The following ZSCAN5A variants were observed in gnomAD, a reference collection of about 807,000 sequenced individuals.
The protein encoded by ZSCAN5A is zinc finger and SCAN domain containing 5A, also known as zinc finger and SCAN domain-containing protein 5A.
A neutral mutation model predicts 23.7 loss-of-function variants in ZSCAN5A; 12 were observed. The observed-to-expected ratio is 0.51, with a 90% CI of 0.32 to 0.82. ZSCAN5A has a LOEUF of 0.82. ZSCAN5A is among the 40% of genes least tolerant of loss of function. ZSCAN5A has a pLI of 0.03. For missense variants in ZSCAN5A, 597 were observed against 617.9 expected (o/e 0.97, Z 0.36); for synonymous variants, 257 against 239.9 (o/e 1.07, Z -0.66).
chr19:56,310,066 A>T (rs2304122), intron 2 of ZSCAN5A: 73,153 of 152,268 alleles, frequency 0.48, 17,816 homozygotes, highest in Middle Eastern at 0.66. Context: ...GGCAAGGAGT[A>T]TGAGAATGCA....
At chr19:56,309,868 G>C (rs940878337) in intron 2 of ZSCAN5A, among the ~76,000 whole-genome samples, 6 of 152,316 alleles carry the variant, frequency 3.9e-5, no homozygotes, top group Admixed American at 6.5e-5. Flanking sequence ...ACTTGCCCTG[G>C]TGATGGGGCA....
intron 1 of ZSCAN5A, chr19:56,366,055 A>G (rs1257853521): frequency 6.6e-6 from 1 of 152,206 alleles, no homozygotes; most frequent in African/African-American, 2.4e-5. Context: ...TTGGGGTTTT[A>G]TCAGTGTCCA....
chr19:56,295,913 T>A (rs2039841946), intron 2 of ZSCAN5A: 1 of 152,976 alleles, frequency 6.5e-6, no homozygotes, highest in Non-Finnish European at 1.5e-5. Context: ...TCCCCTGACC[T>A]GTCTTGCTTC....
chr19:56,312,944 T>C (rs1201599013), intron 2 of ZSCAN5A, among the ~76,000 whole-genome samples: 2 of 152,252 alleles, frequency 1.3e-5, no homozygotes, highest in Admixed American at 1.3e-4. Context: ...CAGCACACCA[T>C]GCTTGTTAGC....
Position 56,221,444 on chromosome 19 carries a change from G to T in ZSCAN5A, c.*131C>A. ...GGACACATATTTACTCAAACATCCT[G>T]GCAATTCATATCTAGGGCACTCCCT... On this transcript the variant is annotated 3_prime_UTR_variant, in exon 6 of 6. Transcript: ENST00000683990. 9.0e-7 allele frequency: 1 copy of T among 1,115,164 alleles called. No individual in the cohort carries two copies. The highest frequency in any genetic ancestry group is 1.3e-6 in the Non-Finnish European group (1 of 788,550). The allele number at this position is 1,115,164 out of a possible 1,614,324, so 69.1% of individuals were successfully genotyped here.
At chr19:56,252,537 G>A (rs2036418877) in intron 2 of ZSCAN5A, among the ~76,000 whole-genome samples, 1 of 152,164 alleles carries the variant, frequency 6.6e-6, no homozygotes, top group Non-Finnish European at 1.5e-5. Flanking sequence ...GTTTTATGGT[G>A]CTTAGGGGAT....
intron 2 of ZSCAN5A, chr19:56,320,836 C>G (rs913723378): frequency 1.3e-6 from 1 of 778,758 alleles, no homozygotes; most frequent in East Asian, 2.4e-5. Context: ...GATGCTGTGC[C>G]CCCTCGCTTT....
chr19:56,253,980 C>T (rs570303220), intron 2 of ZSCAN5A, among the ~76,000 whole-genome samples: 2 of 151,966 alleles, frequency 1.3e-5, no homozygotes, highest in East Asian at 3.9e-4. Flanking sequence ...GATGGTTCTG[C>T]TTCTGTTTGA....
intron 2 of ZSCAN5A, among the ~76,000 whole-genome samples, chr19:56,356,296 A>C (rs2041700076): frequency 1.3e-5 from 2 of 148,794 alleles, no homozygotes; most frequent in Admixed American, 1.3e-4. Flanking sequence ...TTAAACAATC[A>C]GTGGTGGGAA....
At chr19:56,333,297 A>G (rs1281346576) in intron 2 of ZSCAN5A, among the ~76,000 whole-genome samples, 1 of 151,882 alleles carries the variant, frequency 6.6e-6, no homozygotes, top group Non-Finnish European at 1.5e-5. Flanking sequence ...AATGTCATTA[A>G]TTCATAAGTT....
At chr19:56,266,626 C>T (rs950859687) in intron 2 of ZSCAN5A, 2 of 151,356 alleles carry the variant, frequency 1.3e-5, no homozygotes, top group African/African-American at 4.9e-5. Flanking sequence ...ACTACAGGCA[C>T]CTGCCACCAT....
At position 56,222,205 on chromosome 19, in the gene ZSCAN5A, G is replaced by A. The variant is rs2033303210; in HGVS notation, c.861C>T (p.Asn287=). ...TGCTCAGATTCAGAGCGTCTCCTCT[G>A]TTCCCGCTGTGAGTCGAAGCTTCTC... ...VEREASTHSG[N]RGDALNLSSP... is the part of the protein sequence containing the mutation. Residue 287 remains asparagine, a synonymous_variant, in exon 6 of 6, where the codon AAC becomes AAT. Coordinates refer to ENST00000683990, the MANE Select transcript of ZSCAN5A (RefSeq NM_001322064.3). The A allele has an allele frequency of 6.2e-7, 1 of 1,613,854 alleles. No individual in the cohort carries two copies. Among genetic ancestry groups the A allele is most frequent in the African/African-American group, 1.3e-5 (1 of 74,886 alleles).
At chr19:56,231,919 CCTGGACAACCA>C (rs1198461962) in intron 2 of ZSCAN5A, among the ~76,000 whole-genome samples, 3 of 152,114 alleles carry the variant, frequency 2.0e-5, no homozygotes, top group Non-Finnish European at 2.9e-5. Context: ...CAGCTCCATC[CCTGGACAACCA>C]CTGGTGTTCT....
chr19:56,246,268 C>G (rs1443514789), intron 2 of ZSCAN5A: 1 of 281,334 alleles, frequency 3.6e-6, no homozygotes, highest in African/African-American at 2.3e-5. Context: ...TGTCCATGAC[C>G]CACCAGTTTA....
upstream of ZSCAN5A, among the ~76,000 whole-genome samples, chr19:56,319,211 C>T (rs978493942): frequency 6.6e-6 from 1 of 151,492 alleles, no homozygotes; most frequent in African/African-American, 2.4e-5. Context: ...TAATTCAGAA[C>T]TTATGGCTGG....
intron 2 of ZSCAN5A, among the ~76,000 whole-genome samples, chr19:56,285,873 T>C (rs2039078482): frequency 6.6e-6 from 1 of 152,200 alleles, no homozygotes; most frequent in South Asian, 2.1e-4. Flanking sequence ...CAAATTCCTA[T>C]CTGTTAAGTT....
chr19:56,308,231 A>G (rs112425437), intron 2 of ZSCAN5A, among the ~76,000 whole-genome samples: 1,593 of 151,816 alleles, frequency 0.01, 32 homozygotes, highest in African/African-American at 0.036. Flanking sequence ...ACGGGGTTTC[A>G]CCATGTTGGC....
intron 2 of ZSCAN5A, among the ~76,000 whole-genome samples, chr19:56,276,532 A>AC (rs2038275771): frequency 1.1e-5 from 1 of 92,710 alleles, no homozygotes; most frequent in Non-Finnish European, 2.7e-5. Context: ...AGTGAGGGTT[A>AC]TTTTTATTTA....
At chr19:56,278,129 T>C (rs2038406145) in intron 2 of ZSCAN5A, among the ~76,000 whole-genome samples, 1 of 151,958 alleles carries the variant, frequency 6.6e-6, no homozygotes, top group African/African-American at 2.4e-5. Context: ...TTTATGTGTT[T>C]GTTTATTTTG....
Sources: gnomAD v4.1 joint callset for allele counts (sites outside exome capture counted in the v4.1 genomes callset) on GRCh38, gnomAD v4.1.1 for gene constraint, MANE v1.5 for transcripts, NCBI Gene and HGNC (gene_info 2026-07-23, HGNC 2026-07-21) for gene names.